TUT7: variants seen among roughly 807,000 people sequenced by gnomAD.
TUT7 encodes terminal uridylyl transferase 7.
TUT7 carries 33 observed loss-of-function variants against 165.9 expected under a neutral mutation model. The observed-to-expected ratio is 0.20, with a 90% CI of 0.15 to 0.27. TUT7 has a LOEUF of 0.27. Among genes scored for constraint, TUT7 ranks in the 10% least tolerant of loss-of-function variants. The pLI, the probability that TUT7 is intolerant of heterozygous loss-of-function variation, is 1.00. For synonymous variants in TUT7, 552 were observed against 608.1 expected (o/e 0.91, Z 1.36); for missense variants, 1,338 against 1,762.3 (o/e 0.76, Z 4.31).
intron 11 of TUT7, among the ~76,000 whole-genome samples, chr9:86,326,651 A>T (rs1375510180): frequency 6.6e-6 from 1 of 152,194 alleles, no homozygotes; most frequent in Non-Finnish European, 1.5e-5. Context: ...AGATGCTCTT[A>T]AGAGGTAATC....
chr9:86,331,721 A>C (rs1587966805), intron 10 of TUT7, among the ~76,000 whole-genome samples: 2 of 152,086 alleles, frequency 1.3e-5, no homozygotes, highest in South Asian at 4.1e-4. Flanking sequence ...TATTTAATTT[A>C]TTTCTTCTAG....
chr9:86,340,916 C>T, intron 7 of TUT7, 86 bp downstream of exon 7: 1 of 1,014,256 alleles, frequency 9.9e-7, no homozygotes, highest in South Asian at 1.3e-5. Context: ...TAAAAGCATG[C>T]CTTGCTATTT....
chr9:86,324,578 T>G (rs1587943445), intron 12 of TUT7: 1 of 151,750 alleles, frequency 6.6e-6, no homozygotes, highest in East Asian at 1.9e-4. Context: ...ACAGAATTTA[T>G]GCAAAATGCA....
chr9:86,321,803 AG>A (rs1170788760), intron 14 of TUT7, among the ~76,000 whole-genome samples: 1 of 152,224 alleles, frequency 6.6e-6, no homozygotes, highest in African/African-American at 2.4e-5. Context: ...TGTTAATAAA[AG>A]GAAGTACAGA....
At chr9:86,293,652 G>A (rs1231659396) in intron 26 of TUT7, among the ~76,000 whole-genome samples, 1 of 152,156 alleles carries the variant, frequency 6.6e-6, no homozygotes, top group Non-Finnish European at 1.5e-5. Flanking sequence ...GTCAAAATGT[G>A]CATACTTTTA....
intron 11 of TUT7, 35 bp downstream of exon 11, chr9:86,328,305 G>A: frequency 6.5e-7 from 1 of 1,527,006 alleles, no homozygotes; most frequent in Non-Finnish European, 8.8e-7. Context: ...CAATTGGCAA[G>A]TGAAACTGAC....
intron 26 of TUT7, among the ~76,000 whole-genome samples, chr9:86,297,524 T>C (rs1168640922): frequency 6.6e-6 from 1 of 152,144 alleles, no homozygotes; most frequent in African/African-American, 2.4e-5. Flanking sequence ...TTAGAAAGTA[T>C]CTGCTCAAGG....
intron 17 of TUT7, among the ~76,000 whole-genome samples, chr9:86,315,367 G>T (rs1828607556): frequency 6.6e-6 from 1 of 152,078 alleles, no homozygotes; most frequent in African/African-American, 2.4e-5. Context: ...ATATACTGAG[G>T]TATTTAGGGG....
intron 8 of TUT7, 36 bp downstream of exon 8, chr9:86,340,000 G>T: frequency 6.5e-7 from 1 of 1,550,208 alleles, no homozygotes; most frequent in South Asian, 1.1e-5. Flanking sequence ...TTGGCAAGTT[G>T]AGAGTTAGTA....
In TUT7 at chr9:86,329,270, T is replaced by A. The variant is rs1830084769; in HGVS notation, c.1456-778A>T. Among the ~76,000 whole-genome samples the A allele has an allele frequency of 2.0e-5, 3 of 152,238 alleles. No homozygotes were observed. In the South Asian group the frequency reaches 6.2e-4, roughly 32 times the overall value. On this transcript the variant is annotated intron_variant, in intron 10 of 26. Transcript: ENST00000375963. Reference sequence around the variant, plus strand: ...CACGCATGGTGGCTCATGCCTGTAATCCCAGCACTTTGGGAGGCTGAGGTG... The same window carrying A: ...CACGCATGGTGGCTCATGCCTGTAAACCCAGCACTTTGGGAGGCTGAGGTG...
At chr9:86,318,633 A>C (rs368322570) in intron 16 of TUT7, among the ~76,000 whole-genome samples, 20 of 152,346 alleles carry the variant, frequency 1.3e-4, no homozygotes, top group African/African-American at 4.8e-4. Flanking sequence ...CAAACTTTAC[A>C]GGTAACCTTA....
intron 24 of TUT7, 69 bp from the exon 25 acceptor site, chr9:86,303,270 A>G: frequency 1.5e-6 from 1 of 674,490 alleles, no homozygotes; most frequent in Non-Finnish European, 2.5e-6. Context: ...CTAACCAGAT[A>G]TTAAACAGTT....
chr9:86,319,577 C>A lies in TUT7; in HGVS notation c.3115+7G>T, dbSNP rs1829039964. 6.4e-7 allele frequency: 1 copy of A among 1,574,560 alleles called. No individual in the cohort carries two copies. The highest frequency in any genetic ancestry group is 1.2e-5 in the South Asian group (1 of 85,932). On this transcript the variant is annotated splice_region_variant and intron_variant, in intron 15 of 26. Coordinates refer to ENST00000375963, the MANE Select transcript of TUT7 (RefSeq NM_024617.4). Reference sequence around the variant, plus strand: ...CTTTTCTTAAAAATAAAAAATAAATCATTTACCTGGAAAGTCCTGTCTTAT... The same window carrying A: ...CTTTTCTTAAAAATAAAAAATAAATAATTTACCTGGAAAGTCCTGTCTTAT...
chr9:86,343,436 T>C (rs1188211537), intron 5 of TUT7, among the ~76,000 whole-genome samples: 2 of 152,158 alleles, frequency 1.3e-5, no homozygotes, highest in Non-Finnish European at 2.9e-5. Context: ...ATCATGTATT[T>C]TATGAATAAA....
intron 10 of TUT7, among the ~76,000 whole-genome samples, chr9:86,331,495 T>A (rs1190982768): frequency 6.6e-6 from 1 of 152,224 alleles, no homozygotes. Context: ...CATCAATTTT[T>A]ATTTCATGTA....
Position 86,328,342 on chromosome 9 carries a change from G to T in TUT7, c.1606C>A (p.Gln536Lys), listed in dbSNP as rs376187706. The part of the protein sequence containing the change: ...APRETPIKRG[Q>K]VSLILDVKHQ... ...ACTAGAAACAAAAGAGAACAGACCT[G>T]TCCCCTTTTAATCGGCGTTTCTCTT... Residue 536 changes from glutamine (Q) to lysine (K), a missense_variant and splice_region_variant, in exon 11 of 27, where the codon CAG (glutamine) becomes AAG (lysine). By Grantham distance (53) the Gln-to-Lys change is moderately conservative (BLOSUM62 1). Transcript: ENST00000375963. 33 of 1,601,002 alleles carry T rather than the reference G, an allele frequency of 2.1e-5. No homozygotes were observed. Among genetic ancestry groups the T allele is most frequent in the Non-Finnish European group, 2.8e-5 (33 of 1,174,920 alleles).
chr9:86,299,134 CAG>C (rs764411341), intron 26 of TUT7, among the ~76,000 whole-genome samples: 1 of 152,172 alleles, frequency 6.6e-6, no homozygotes, highest in Non-Finnish European at 1.5e-5. Flanking sequence ...TGAGAGCACT[CAG>C]GGAGCAGCTC....
At chr9:86,305,074 T>C (rs955921736) in intron 23 of TUT7, 118 bp downstream of exon 23, 2 of 1,207,022 alleles carry the variant, frequency 1.7e-6, no homozygotes, top group Non-Finnish European at 2.4e-6. Context: ...GGTAGGTGGA[T>C]CACTTGAGCC....
At chr9:86,340,914 T>C (rs570708251) in intron 7 of TUT7, 88 bp downstream of exon 7, 22 of 992,564 alleles carry the variant, frequency 2.2e-5, no homozygotes, top group Middle Eastern at 2.8e-4. Context: ...TTTAAAAGCA[T>C]GCCTTGCTAT....
Sources: allele counts gnomAD v4.1 joint callset (sites outside exome capture counted in the v4.1 genomes callset), GRCh38; gene constraint gnomAD v4.1.1; transcripts MANE v1.5; gene names NCBI Gene and HGNC (gene_info 2026-07-23, HGNC 2026-07-21).